SULT1C2: variants seen among roughly 807,000 people sequenced by gnomAD.
SULT1C2 encodes sulfotransferase 1C2.
SULT1C2 carries 27 observed loss-of-function variants against 36.0 expected under a neutral mutation model. The ratio of observed to expected loss-of-function variants is 0.75; its 90% CI spans 0.55 to 1.03. The LOEUF is 1.03. Ranked by LOEUF, SULT1C2 falls within the 50% of genes least tolerant of loss-of-function variation. The pLI, the probability that SULT1C2 is intolerant of heterozygous loss-of-function variation, is 0.00. For synonymous variants in SULT1C2, 121 were observed against 116.0 expected (o/e 1.04, Z -0.27); for missense variants, 395 against 359.2 (o/e 1.10, Z -0.80).
At chr2:108,293,564 A>G (rs919933141) in intron 1 of SULT1C2, 83 bp from the exon 2 acceptor site, 2 of 1,349,112 alleles carry the variant, frequency 1.5e-6, no homozygotes, top group Admixed American at 2.3e-5. Context: ...CTGTACACCT[A>G]ACGATGGTTA....
rs373596162 is a variant in SULT1C2 at position 108,291,608 on chromosome 2, T to TA, written c.-21-2030dup. 3.0e-3 allele frequency among the ~76,000 whole-genome samples: 455 copies of TA among 150,828 alleles called. 1 individual carries two copies. The highest frequency in any genetic ancestry group is 0.011 in the African/African-American group (436 of 41,116). On this transcript the variant is annotated intron_variant, in intron 1 of 7. Coordinates refer to ENST00000251481, the MANE Select transcript of SULT1C2 (RefSeq NM_001056.4). ...GCAATGTATAACTTTAAATTCACAA[T>TA]AAAAAAAAACAAGAGGCAATTTTTA...
At chr2:108,294,557 T>A (rs909829051) in intron 3 of SULT1C2, among the ~76,000 whole-genome samples, 4 of 147,296 alleles carry the variant, frequency 2.7e-5, no homozygotes, top group Admixed American at 1.4e-4. Flanking sequence ...TATTTAAGAT[T>A]TTTTACCAAA....
intron 3 of SULT1C2, chr2:108,300,376 C>CAA: frequency 1.3e-5 from 2 of 154,634 alleles, no homozygotes; most frequent in East Asian, 1.8e-4. Context: ...GACTCCGTCT[C>CAA]AAAAAAAAAA....
chr2:108,304,771 A>G, intron 5 of SULT1C2, 71 bp downstream of exon 5: 1 of 1,544,444 alleles, frequency 6.5e-7, no homozygotes, highest in Non-Finnish European at 8.7e-7. Context: ...CACAGGCAGC[A>G]TTTTATCCCC....
rs1046960298 is a variant in SULT1C2, at chr2:108,293,595, T to C, written c.-21-52T>C. 42 of 1,498,764 alleles carry C rather than the reference T, an allele frequency of 2.8e-5. No homozygotes were observed. The African/African-American group carries it at 3.4e-4, about 12-fold the overall frequency. The allele number at this position is 1,498,764 out of a possible 1,614,324, so 92.8% of individuals were successfully genotyped here. A position where few individuals can be genotyped will look rare whatever the true frequency, so the allele number is the denominator to read the frequency against. On this transcript the variant is annotated intron_variant, in intron 1 of 7. Transcript: ENST00000251481. ...GGTTAAAATGATCAATTTTATGTTA[T>C]GTATATTTTACCACAACTTCTTTAA...
intron 4 of SULT1C2, chr2:108,301,808 T>C (rs914793809): frequency 6.6e-6 from 1 of 152,180 alleles, no homozygotes; most frequent in Non-Finnish European, 1.5e-5. Context: ...GAGTCAAGGG[T>C]ACAAACTGAG....
intron 3 of SULT1C2, 120 bp downstream of exon 3, chr2:108,294,474 C>G (rs966453645): frequency 1.0e-6 from 1 of 998,858 alleles, no homozygotes; most frequent in Non-Finnish European, 1.4e-6. Context: ...TCTCCTTCCT[C>G]TTCTCTTTCT....
At chr2:108,302,994 C>G (rs1423133176) in intron 4 of SULT1C2, 2 of 152,028 alleles carry the variant, frequency 1.3e-5, no homozygotes, top group Non-Finnish European at 2.9e-5. Context: ...GATTATCAAG[C>G]AGCAATGAAG....
At chr2:108,290,474 A>C (rs888962762) in intron 1 of SULT1C2, among the ~76,000 whole-genome samples, 2 of 152,232 alleles carry the variant, frequency 1.3e-5, no homozygotes, top group Admixed American at 1.3e-4. Flanking sequence ...TGTCCGTCTT[A>C]GTCCATTTTA....
chr2:108,291,116 T>C (rs1676580148), intron 1 of SULT1C2, among the ~76,000 whole-genome samples: 1 of 152,178 alleles, frequency 6.6e-6, no homozygotes, highest in South Asian at 2.1e-4. Context: ...GAATTCAGAT[T>C]CATGTGGCTG....
chr2:108,308,469 G>A lies in SULT1C2; in HGVS notation c.*5G>A. ...AACTTCTGCATGGAACTCTGAGCAA[G>A]ATGTAAATAAAATTAAAAGGTGGAT... is the stretch of plus-strand genomic sequence containing the variant. On this transcript the variant is annotated 3_prime_UTR_variant, in exon 8 of 8. Transcript: ENST00000251481. The A allele has an allele frequency of 6.3e-7, 1 of 1,595,506 alleles. No homozygotes were observed. The highest frequency in any genetic ancestry group is 1.1e-5 in the South Asian group (1 of 87,398).
chr2:108,292,882 G>A (rs1335019111), intron 1 of SULT1C2, among the ~76,000 whole-genome samples: 9 of 152,096 alleles, frequency 5.9e-5, no homozygotes, highest in Admixed American at 5.9e-4. Flanking sequence ...TAGATGACTG[G>A]GTAAACAAAA....
chr2:108,299,603 T>G (rs1373611190), intron 3 of SULT1C2: 2 of 152,244 alleles, frequency 1.3e-5, no homozygotes, highest in Non-Finnish European at 2.9e-5. Flanking sequence ...TTTGCAGTTC[T>G]TCTAAGGAAT....
Position 108,309,215 on chromosome 2 carries a change from G to A in SULT1C2, c.*751G>A, listed in dbSNP as rs1677096968. On this transcript the variant is annotated 3_prime_UTR_variant, in exon 8 of 8. Transcript: ENST00000251481. Reference sequence around the variant, plus strand: ...GAGGTAATTGGGTCTTGGCTTCAATGCCACCCTTTTGGGAAGCCCTAAACC... The same window carrying A: ...GAGGTAATTGGGTCTTGGCTTCAATACCACCCTTTTGGGAAGCCCTAAACC... 6.6e-6 allele frequency: 1 copy of A among 152,198 alleles called. No homozygotes were observed. The highest frequency in any genetic ancestry group is 2.1e-4 in the South Asian group (1 of 4,826). 9.4% of individuals were successfully genotyped at this position (152,198 alleles called of 1,614,324 possible).
chr2:108,304,723 C>T (rs960825257), intron 5 of SULT1C2, 23 bp downstream of exon 5: 1 of 1,595,080 alleles, frequency 6.3e-7, no homozygotes, highest in Non-Finnish European at 8.5e-7. Flanking sequence ...CCTTCACACC[C>T]TTGCATTCTC....
intron 3 of SULT1C2, chr2:108,299,127 T>A (rs905179372): frequency 6.6e-6 from 1 of 152,444 alleles, no homozygotes; most frequent in Non-Finnish European, 1.5e-5. Context: ...GTTCCTAATC[T>A]GTGCCTCACT....
intron 1 of SULT1C2, among the ~76,000 whole-genome samples, chr2:108,293,179 C>CAA (rs397869118): frequency 0.045 from 2,361 of 52,066 alleles, 107 homozygotes; most frequent in African/African-American, 0.064. Context: ...GACTCTGTCT[C>CAA]AAAAAAAAAA....
intron 3 of SULT1C2, among the ~76,000 whole-genome samples, chr2:108,295,042 C>A (rs1676689093): frequency 6.6e-6 from 1 of 152,192 alleles, no homozygotes; most frequent in Admixed American, 6.5e-5. Context: ...AGCACAGTAG[C>A]TGAAGCTATG....
At chr2:108,296,540 C>T (rs1676734984) in intron 3 of SULT1C2, among the ~76,000 whole-genome samples, 1 of 151,994 alleles carries the variant, frequency 6.6e-6, no homozygotes, top group Non-Finnish European at 1.5e-5. Context: ...CAACCTCTGC[C>T]TCCCGGGTTC....
Sources: allele counts gnomAD v4.1 joint callset (sites outside exome capture counted in the v4.1 genomes callset), GRCh38; gene constraint gnomAD v4.1.1; transcripts MANE v1.5; gene names NCBI Gene and HGNC (gene_info 2026-07-23, HGNC 2026-07-21).